Variants in PTPRT observed in about 807,000 individuals in gnomAD.
PTPRT encodes the protein protein tyrosine phosphatase receptor type T.
In PTPRT, 56 loss-of-function variants were observed where a neutral mutation model predicts 176.8. The ratio of observed to expected loss-of-function variants is 0.32; its 90% CI spans 0.26 to 0.40. PTPRT has a LOEUF of 0.40. Ranked by LOEUF, PTPRT falls within the 10% of genes least tolerant of loss-of-function variation. The pLI is 1.00. For synonymous variants in PTPRT, 783 were observed against 739.0 expected (o/e 1.06, Z -0.96); for missense variants, 1,540 against 1,908.2 (o/e 0.81, Z 3.60).
chr20:42,053,075 C>T, the PTPRT span, among the ~76,000 whole-genome samples: 257 of 152,190 alleles, frequency 1.7e-3, 1 homozygote, highest in Middle Eastern at 6.8e-3. Context: ...ATAAGTGGCA[C>T]GCTGGGTGTG....
intron 7 of PTPRT, among the ~76,000 whole-genome samples, chr20:42,593,630 C>T (rs1382804857): frequency 6.6e-6 from 1 of 152,150 alleles, no homozygotes; most frequent in East Asian, 1.9e-4. Flanking sequence ...GAAGTTGTTG[C>T]TTGGAATCAC....
At chr20:42,555,369 C>T (rs6016826) in intron 7 of PTPRT, among the ~76,000 whole-genome samples, 7 of 151,910 alleles carry the variant, frequency 4.6e-5, no homozygotes, top group Non-Finnish European at 8.8e-5. Context: ...CAGTCTAGGG[C>T]GGCCAGGTGC....
chr20:42,638,196 T>C (rs2074651764), intron 7 of PTPRT, among the ~76,000 whole-genome samples: 1 of 152,120 alleles, frequency 6.6e-6, no homozygotes, highest in Non-Finnish European at 1.5e-5. Flanking sequence ...CATGTACCTG[T>C]CACCCAGACC....
At chr20:42,568,727 C>T (rs977605901) in intron 7 of PTPRT, among the ~76,000 whole-genome samples, 1 of 152,018 alleles carries the variant, frequency 6.6e-6, no homozygotes, top group Non-Finnish European at 1.5e-5. Flanking sequence ...ACCCAGGATG[C>T]TTCAACTGTC....
chr20:42,211,864 G>A (rs986043175), intron 15 of PTPRT, among the ~76,000 whole-genome samples: 48 of 151,490 alleles, frequency 3.2e-4, no homozygotes, highest in East Asian at 2.7e-3. Context: ...TTATTGCGGC[G>A]TTATTCACAA....
At chr20:42,408,134 TAA>T (rs890054633) in intron 9 of PTPRT, among the ~76,000 whole-genome samples, 4 of 152,152 alleles carry the variant, frequency 2.6e-5, no homozygotes, top group African/African-American at 9.6e-5. Context: ...TTTTAATTCA[TAA>T]AATTAACTAC....
At chr20:42,178,793 A>G (rs934170682) in intron 16 of PTPRT, among the ~76,000 whole-genome samples, 2 of 152,054 alleles carry the variant, frequency 1.3e-5, no homozygotes, top group Non-Finnish European at 2.9e-5. Context: ...TCATTTTTTC[A>G]TGGGCTACTG....
At chr20:42,362,954 A>G (rs1025390269) in intron 9 of PTPRT, among the ~76,000 whole-genome samples, 10 of 151,566 alleles carry the variant, frequency 6.6e-5, no homozygotes, top group Non-Finnish European at 1.0e-4. Context: ...AAAAATACAA[A>G]AGTTAGCTAA....
At chr20:42,609,254 AGAG>A (rs774870845) in intron 7 of PTPRT, among the ~76,000 whole-genome samples, 45 of 151,928 alleles carry the variant, frequency 3.0e-4, no homozygotes, top group Non-Finnish European at 6.0e-4. Flanking sequence ...TTGTATTTTT[AGAG>A]GAGACAGGAT....
intron 1 of PTPRT, among the ~76,000 whole-genome samples, chr20:42,898,713 A>G (rs568339221): frequency 1.3e-5 from 2 of 152,268 alleles, no homozygotes; most frequent in East Asian, 1.9e-4. Flanking sequence ...GGGTATGGCA[A>G]GCAGATTCTG....
chr20:42,084,558 G>T, intron 29 of PTPRT, 124 bp downstream of exon 29: 1 of 816,740 alleles, frequency 1.2e-6, no homozygotes, highest in Non-Finnish European at 1.7e-6. Context: ...ACTAGCCTTT[G>T]AGGGATGTTG....
chr20:42,387,264 A>T (rs567240006), intron 9 of PTPRT, among the ~76,000 whole-genome samples: 5 of 152,362 alleles, frequency 3.3e-5, no homozygotes, highest in African/African-American at 1.2e-4. Context: ...GATATAAACC[A>T]GGAGGCTGAA....
intron 9 of PTPRT, among the ~76,000 whole-genome samples, chr20:42,355,322 T>C (rs900072500): frequency 2.0e-5 from 3 of 152,106 alleles, no homozygotes; most frequent in African/African-American, 7.2e-5. Context: ...TCCTTTCTCT[T>C]CCCCACTCCA....
intron 16 of PTPRT, among the ~76,000 whole-genome samples, chr20:42,171,713 G>A (rs1990087001): frequency 6.6e-6 from 1 of 152,066 alleles, no homozygotes; most frequent in African/African-American, 2.4e-5. Context: ...TCTAGTACAA[G>A]TGCATCTGGC....
chr20:42,095,480 C>T (rs760477752), intron 27 of PTPRT, among the ~76,000 whole-genome samples: 4 of 152,202 alleles, frequency 2.6e-5, no homozygotes, highest in Non-Finnish European at 5.9e-5. Context: ...CCTGTGATGC[C>T]CCCCTGAGAG....
At chr20:42,596,623 A>G (rs188189198) in intron 7 of PTPRT, among the ~76,000 whole-genome samples, 2 of 152,372 alleles carry the variant, frequency 1.3e-5, no homozygotes, top group Admixed American at 1.3e-4. Flanking sequence ...CCTGGCTTCC[A>G]CATATGTGAA....
chr20:42,867,682 C>CTTT, intron 2 of PTPRT, among the ~76,000 whole-genome samples: 1 of 128,364 alleles, frequency 7.8e-6, no homozygotes, highest in Admixed American at 7.9e-5. Flanking sequence ...TTACATATGG[C>CTTT]CTTTTTTTTT....
At chr20:42,452,018 C>T (rs1027579442) in intron 8 of PTPRT, among the ~76,000 whole-genome samples, 2 of 152,148 alleles carry the variant, frequency 1.3e-5, no homozygotes, top group Non-Finnish European at 2.9e-5. Flanking sequence ...CGCCTATAAT[C>T]CCAGCACTTT....
At chr20:42,523,940 C>G (rs2072223243) in intron 7 of PTPRT, among the ~76,000 whole-genome samples, 1 of 151,990 alleles carries the variant, frequency 6.6e-6, no homozygotes. Context: ...GTGCTATGTT[C>G]ACACCTGTGA....
Sources: allele counts gnomAD v4.1 joint callset (sites outside exome capture counted in the v4.1 genomes callset), GRCh38; gene constraint gnomAD v4.1.1; transcripts MANE v1.5; gene names NCBI Gene and HGNC (gene_info 2026-07-23, HGNC 2026-07-21).